The following WDR81 variants were observed in gnomAD, a reference collection of about 807,000 sequenced individuals.
WDR81 encodes the protein WD repeat domain 81.
Under a neutral mutation model 140.8 loss-of-function variants are expected in WDR81, and 92 were observed. That is an observed-to-expected ratio of 0.65 (90% CI 0.55 to 0.78). The LOEUF (loss-of-function observed/expected upper bound fraction) is 0.78. Among genes scored for constraint, WDR81 ranks in the 30% least tolerant of loss-of-function variants. WDR81 has a pLI of 0.00. For missense variants in WDR81, 2,502 were observed against 2,636.4 expected, an observed-to-expected ratio of 0.95 and a Z score of 1.12; for synonymous variants, 1,183 against 1,156.4, an observed-to-expected ratio of 1.02 and a Z score of -0.47.
intron 4 of WDR81, among the ~76,000 whole-genome samples, chr17:1,731,992 G>C (rs1435204968): frequency 6.6e-6 from 1 of 151,308 alleles, no homozygotes; most frequent in Non-Finnish European, 1.5e-5. Flanking sequence ...CCAGCACTTT[G>C]GGAGGCCAAG....
Position 1,737,986 on chromosome 17 carries a change from C to T in WDR81, c.*301C>T. The T allele has an allele frequency of 2.0e-6, 1 of 490,584 alleles. No homozygotes were observed. Among genetic ancestry groups the T allele is most frequent in the South Asian group, 2.4e-5 (1 of 42,026 alleles). The allele number at this position is 490,584 out of a possible 1,614,324, so 30.4% of individuals were successfully genotyped here. On this transcript the variant is annotated 3_prime_UTR_variant, in exon 10 of 10. Transcript: ENST00000409644. ...ACCTTCACTTCTCCCCAGCTCTGCC[C>T]TCTGGGTCCACATGAGGACAGGGAA...
rs751045771 is a variant in WDR81 at position 1,728,052 on chromosome 17, G to A, written c.3093G>A (p.Glu1031=). Residue 1031 remains glutamate (E), a synonymous_variant, in exon 1 of 10, where the codon GAG becomes GAA. Coordinates refer to ENST00000409644, the MANE Select transcript of WDR81 (RefSeq NM_001163809.2). ...ESKDLAGAAE[E]EESGLPGAGP... is the part of the protein sequence containing the mutation. Reference sequence around the variant, plus strand: ...AGGACCTGGCAGGGGCTGCTGAGGAGGAGGAGAGCGGGCTGCCCGGGGCCG... The same window carrying A: ...AGGACCTGGCAGGGGCTGCTGAGGAAGAGGAGAGCGGGCTGCCCGGGGCCG... 2 of 1,570,388 alleles carry A rather than the reference G, an allele frequency of 1.3e-6. No individual in the cohort carries two copies. The highest frequency in any genetic ancestry group is 1.7e-6 in the Non-Finnish European group (2 of 1,158,318).
Position 1,733,829 on chromosome 17 carries a change from G to A in WDR81, c.4792G>A (p.Asp1598Asn), listed in dbSNP as rs752272490. 5.5e-5 allele frequency: 89 copies of A among 1,612,280 alleles called. No homozygotes were observed. The highest frequency in any genetic ancestry group is 5.2e-5 in the Non-Finnish European group (61 of 1,179,756). ...VGGGGLGSGS[D>N]DNALKQELPR... The stretch of plus-strand genomic sequence containing the variant: ...TGGCGGGGGCCTGGGCAGCGGGAGC[G>A]ACGACAACGCCCTGAAGCAGGAGCT... The change falls in exon 7 of 10, where the codon GAC becomes AAC. Residue 1598 changes from aspartate to asparagine, a missense_variant. Asp to Asn is a conservative substitution (Grantham distance 23, BLOSUM62 1). This residue lies in a region of WDR81 where 1,737 missense variants were observed against 1,843.0 expected (regional missense o/e 0.94). Coordinates refer to ENST00000409644, the MANE Select transcript of WDR81 (RefSeq NM_001163809.2).
At chr17:1,724,152 CAGG>C (rs1431784717), upstream of WDR81, among the ~76,000 whole-genome samples, 1 of 151,996 alleles carries the variant, frequency 6.6e-6, no homozygotes, top group Non-Finnish European at 1.5e-5. Context: ...ATCACGAGGC[CAGG>C]AGTTCGAGAT....
At position 1,735,325 on chromosome 17, in the gene WDR81, A is replaced by T. The variant is rs1881116018; in HGVS notation, c.5180-247A>T. Among the ~76,000 whole-genome samples, 1 of 152,174 alleles carries T rather than the reference A, an allele frequency of 6.6e-6. No individual in the cohort carries two copies. Among genetic ancestry groups the T allele is most frequent in the Non-Finnish European group, 1.5e-5 (1 of 68,036 alleles). On this transcript the variant is annotated intron_variant, in intron 7 of 9. Transcript: ENST00000409644. This position sits in a 1 kb window ranked among gnomAD's most constrained non-coding sequence, Gnocchi z 4.2. ...ACGCCTGTAGTCCCAGCTATTCGGG[A>T]GGCTGAGGCAAGAGAATTGCTTGAA...
At chr17:1,736,302 G>A in intron 9 of WDR81, 84 bp downstream of exon 9, 4 of 1,478,802 alleles carry the variant, frequency 2.7e-6, no homozygotes, top group Non-Finnish European at 3.6e-6. Flanking sequence ...TGCCTGCCCG[G>A]GTTCAGGCTC....
chr17:1,733,913 G>A lies in WDR81; in HGVS notation c.4876G>A (p.Gly1626Ser). 1.9e-6 allele frequency: 3 copies of A among 1,612,764 alleles called. No individual in the cohort carries two copies. The highest frequency in any genetic ancestry group is 2.5e-6 in the Non-Finnish European group (3 of 1,179,952). ...GCTGGCGTACTGGCAGTACGAGATCGGCGTGAGCCAGCAGGATGCCCACTT... is the reference window on the plus strand; with the variant it reads ...GCTGGCGTACTGGCAGTACGAGATCAGCGTGAGCCAGCAGGATGCCCACTT... Reference protein sequence around the residue: ...NWLAYWQYEIGVSQQDAHFHF... With the variant: ...NWLAYWQYEISVSQQDAHFHF... The change falls in exon 7 of 10, where the codon GGC becomes AGC. Residue 1626 changes from glycine (G) to serine (S), a missense_variant. By Grantham distance (56) the Gly-to-Ser change is moderately conservative. Around this residue, in one of 3 missense-constraint regions of WDR81, gnomAD observed 1,737 missense variants for 1,843.0 expected, o/e 0.94. Transcript: ENST00000409644.
At position 1,735,058 on chromosome 17, in the gene WDR81, C is replaced by T. The variant is rs1320061194; in HGVS notation, c.5180-514C>T. On this transcript the variant is annotated intron_variant, in intron 7 of 9. Coordinates refer to ENST00000409644, the MANE Select transcript of WDR81 (RefSeq NM_001163809.2). This position sits in a 1 kb window ranked among gnomAD's most constrained non-coding sequence, Gnocchi z 4.2. Reference sequence around the variant, plus strand: ...CTTTAGGCCGATGCAGTGGCTCACGCCTGTAATCTCAGCACTCTGGGAGGC... The same window carrying T: ...CTTTAGGCCGATGCAGTGGCTCACGTCTGTAATCTCAGCACTCTGGGAGGC... Among the ~76,000 whole-genome samples, 2 of 152,030 alleles carry T rather than the reference C, an allele frequency of 1.3e-5. No homozygotes were observed. Among genetic ancestry groups the T allele is most frequent in the Admixed American group, 6.6e-5 (1 of 15,246 alleles).
Position 1,726,673 on chromosome 17 carries a change from C to CAT in WDR81, c.1715_1716insTA (p.His574LeufsTer66). On this transcript the variant is annotated frameshift_variant, in exon 1 of 10. Transcript: ENST00000409644. LOFTEE classifies it high-confidence loss of function. ...TGTGTGTCTGCACCTGGTGGACGCCCACACTCACCTGGCCAGCTACGGGGT... is the reference window on the plus strand; with the variant it reads ...TGTGTGTCTGCACCTGGTGGACGCCCATACACTCACCTGGCCAGCTACGGGGT... The CAT allele has an allele frequency of 6.5e-7, 1 of 1,550,064 alleles. No individual in the cohort carries two copies. The highest frequency in any genetic ancestry group is 2.4e-5 in the East Asian group (1 of 40,916).
In WDR81 at chr17:1,738,067, C is replaced by A; in HGVS notation, c.*382C>A. 1 of 305,292 alleles carries A rather than the reference C, an allele frequency of 3.3e-6. No homozygotes were observed. Among genetic ancestry groups the A allele is most frequent in the Non-Finnish European group, 6.2e-6 (1 of 161,694 alleles). The allele number at this position is 305,292 out of a possible 1,614,324, so 18.9% of individuals were successfully genotyped here. A position where few individuals can be genotyped will look rare whatever the true frequency, so the allele number is the denominator to read the frequency against. ...CCCAGCCGGTCTCTAGCCCCTCAGC[C>A]CCCGCTGGGCACTCTCTGTCCCATC... On this transcript the variant is annotated 3_prime_UTR_variant, in exon 10 of 10. Coordinates refer to ENST00000409644, the MANE Select transcript of WDR81 (RefSeq NM_001163809.2).
intron 1 of WDR81, chr17:1,716,917 G>C: frequency 1.8e-6 from 1 of 547,516 alleles, no homozygotes; most frequent in Non-Finnish European, 3.2e-6. Flanking sequence ...ACTCCTCCTG[G>C]GGGCTCTTCC....
chr17:1,725,247 A>G lies in WDR81; in HGVS notation c.288A>G (p.Gln96=), dbSNP rs1157168247. The part of the protein sequence containing the change: ...EVRTLLQRSV[Q]RLPAGWTRVE... ...GGACTCTCCTGCAGCGCTCTGTGCAAAGGCTGCCTGCCGGCTGGACGCGCG... is the reference window on the plus strand; with the variant it reads ...GGACTCTCCTGCAGCGCTCTGTGCAGAGGCTGCCTGCCGGCTGGACGCGCG... Residue 96 remains glutamine (Q), a synonymous_variant, in exon 1 of 10, where the codon CAA becomes CAG. Transcript: ENST00000409644. The G allele has an allele frequency of 1.9e-6, 3 of 1,542,748 alleles. No homozygotes were observed. The African/African-American group carries it at 4.1e-5, about 21-fold the overall frequency.
In WDR81 at chr17:1,734,347, C is replaced by CA. The variant is rs11439522; in HGVS notation, c.5179+132dup. ...GACCCAGCGAGGCCGCCTAGGAGAA[C>CA]AGTTAGGGCTTCGAATCTGTTAGAC... On this transcript the variant is annotated intron_variant, in intron 7 of 9. Coordinates refer to ENST00000409644, the MANE Select transcript of WDR81 (RefSeq NM_001163809.2). 0.011 allele frequency: 11,563 copies of CA among 1,093,418 alleles called. 838 individuals are homozygous for CA. In the African/African-American group the frequency reaches 0.16, roughly 15 times the overall value. The allele number at this position is 1,093,418 out of a possible 1,614,324, so 67.7% of individuals were successfully genotyped here.
In WDR81 at chr17:1,731,085, C is replaced by T. The variant is rs756476297; in HGVS notation, c.3984C>T (p.Ala1328=). ...GGCTCTAGGTGGCCCCAGGGAGTGCCTCAGGCCCCAGCCGACTGAACAGCC... is the reference window on the plus strand; with the variant it reads ...GGCTCTAGGTGGCCCCAGGGAGTGCTTCAGGCCCCAGCCGACTGAACAGCC... ...YISYLVAPGS[A]SGPSRLNSRK... Residue 1328 remains alanine, a synonymous_variant, in exon 4 of 10, where the codon GCC becomes GCT. Transcript: ENST00000409644. 4.3e-6 allele frequency: 7 copies of T among 1,612,556 alleles called. 1 individual carries two copies. The South Asian group carries it at 7.7e-5, about 18-fold the overall frequency.
chr17:1,733,945 C>G lies in WDR81; in HGVS notation c.4908C>G (p.Phe1636Leu), dbSNP rs761747943. 3 of 1,612,886 alleles carry G rather than the reference C, an allele frequency of 1.9e-6. No homozygotes were observed. Among genetic ancestry groups the G allele is most frequent in the Non-Finnish European group, 2.5e-6 (3 of 1,179,994 alleles). ...GCCAGCAGGATGCCCACTTTCACTTCCACCAGATCCGCCTGCAGAGCTTCC... is the reference window on the plus strand; with the variant it reads ...GCCAGCAGGATGCCCACTTTCACTTGCACCAGATCCGCCTGCAGAGCTTCC... The part of the protein sequence containing the change: ...GVSQQDAHFH[F>L]HQIRLQSFPG... Residue 1636 changes from phenylalanine to leucine, a missense_variant, in exon 7 of 10, where the codon TTC (phenylalanine) becomes TTG (leucine). This residue lies in a region of WDR81 where 1,737 missense variants were observed against 1,843.0 expected (regional missense o/e 0.94). Coordinates refer to ENST00000409644, the MANE Select transcript of WDR81 (RefSeq NM_001163809.2).
rs76562517 is a variant in WDR81 at position 1,726,672 on chromosome 17, C to G, written c.1713C>G (p.Ala571=). 5.4e-3 allele frequency: 8,335 copies of G among 1,550,052 alleles called. 348 individuals are homozygous for G. In the African/African-American group the frequency reaches 0.095, roughly 18 times the overall value. Residue 571 remains alanine, a synonymous_variant, in exon 1 of 10, where the codon GCC becomes GCG. Coordinates refer to ENST00000409644, the MANE Select transcript of WDR81 (RefSeq NM_001163809.2). ...ATGTGTGTCTGCACCTGGTGGACGC[C>G]CACACTCACCTGGCCAGCTACGGGG... ...EKNVCLHLVD[A]HTHLASYGVV... is the part of the protein sequence containing the mutation.
chr17:1,732,642 A>G, intron 5 of WDR81, 24 bp from the exon 6 acceptor site: 1 of 1,584,508 alleles, frequency 6.3e-7, no homozygotes. Context: ...GACCCGGCTG[A>G]CCCCCTGGGT....
In WDR81 at chr17:1,726,764, C is replaced by G; in HGVS notation, c.1805C>G (p.Pro602Arg). ...LAGAPALAPE[P>R]PLIPKLLVQT... is the part of the protein sequence containing the mutation. ...GGGGCTCCTGCCCTTGCCCCCGAGC[C>G]TCCCCTCATCCCCAAGCTGTTGGTC... Residue 602 changes from proline to arginine, a missense_variant, in exon 1 of 10, where the codon CCT becomes CGT. By Grantham distance (103) the Pro-to-Arg change is moderately radical. Coordinates refer to ENST00000409644, the MANE Select transcript of WDR81 (RefSeq NM_001163809.2). The G allele has an allele frequency of 6.5e-7, 1 of 1,548,162 alleles. No homozygotes were observed. Among genetic ancestry groups the G allele is most frequent in the Non-Finnish European group, 8.7e-7 (1 of 1,146,554 alleles).
At position 1,730,779 on chromosome 17, in the gene WDR81, T is replaced by G; in HGVS notation, c.3800T>G (p.Val1267Gly). The change falls in exon 3 of 10, where the codon GTG (valine) becomes GGG (glycine). Residue 1267 changes from valine (V) to glycine (G), a missense_variant. Val to Gly is a moderately radical substitution (Grantham distance 109). This residue lies in a region of WDR81 where 1,737 missense variants were observed against 1,843.0 expected (regional missense o/e 0.94). Transcript: ENST00000409644. ...YVGPTRQQFTVSSGESPPLSA... is the reference protein window; with the variant it reads ...YVGPTRQQFTGSSGESPPLSA... ...GGACCCACTCGGCAGCAGTTCACAG[T>G]GAGCAGTGGCGAGAGCCCACCGCTG... The G allele has an allele frequency of 1.9e-6, 3 of 1,611,538 alleles. No individual in the cohort carries two copies. Among genetic ancestry groups the G allele is most frequent in the Non-Finnish European group, 1.7e-6 (2 of 1,179,564 alleles).
Sources: allele counts gnomAD v4.1 joint callset (sites outside exome capture counted in the v4.1 genomes callset), GRCh38; gene constraint gnomAD v4.1.1; regional missense constraint gnomAD v4.1.1; non-coding constraint Gnocchi (gnomAD v3.1); transcripts MANE v1.5; gene names NCBI Gene and HGNC (gene_info 2026-07-23, HGNC 2026-07-21).